The following ANAPC1 variants were observed in gnomAD, a reference collection of about 807,000 sequenced individuals.
ANAPC1 encodes anaphase-promoting complex subunit 1.
In ANAPC1, 36 loss-of-function variants were observed where a neutral mutation model predicts 208.0. The ratio of observed to expected loss-of-function variants is 0.17; its 90% CI spans 0.13 to 0.23. The LOEUF (loss-of-function observed/expected upper bound fraction) is 0.23, where lower values mean the gene tolerates loss of function less well. Among genes scored for constraint, ANAPC1 ranks in the 10% least tolerant of loss-of-function variants. ANAPC1 has a pLI of 1.00. For synonymous variants in ANAPC1, 378 were observed against 695.2 expected, an observed-to-expected ratio of 0.54 and a Z score of 7.18; for missense variants, 942 against 2,011.6, an observed-to-expected ratio of 0.47 and a Z score of 10.17.
At position 111,848,775 on chromosome 2, in the gene ANAPC1, T is replaced by C. The variant is rs575230534; in HGVS notation, c.1651-910A>G. ...CTAGATGACAGGGCAAGACTCCATCTCAAAAAAAAAAAAAAGACTAAACTG... is the reference window on the plus strand; with the variant it reads ...CTAGATGACAGGGCAAGACTCCATCCCAAAAAAAAAAAAAAGACTAAACTG... On this transcript the variant is annotated intron_variant, in intron 14 of 47. Transcript: ENST00000341068. Among the ~76,000 whole-genome samples, 5 of 138,256 alleles carry C rather than the reference T, an allele frequency of 3.6e-5. No homozygotes were observed. In the South Asian group the frequency reaches 1.1e-3, roughly 31 times the overall value. 90.7% of individuals were successfully genotyped at this position (138,256 alleles called of 152,430 possible). A position where few individuals can be genotyped will look rare whatever the true frequency, so the allele number is the denominator to read the frequency against.
At position 111,818,927 on chromosome 2, in the gene ANAPC1, G is replaced by A; in HGVS notation, c.3238C>T (p.Leu1080Phe). Residue 1080 changes from leucine (L) to phenylalanine (F), a missense_variant, in exon 27 of 48, where the codon CTT becomes TTT. Coordinates refer to ENST00000341068, the MANE Select transcript of ANAPC1 (RefSeq NM_022662.4). ...GTAAACATTCCTCGTCCTACAGGAAGAGCCATAGTTCGCTGACACAATTGG... is the reference window on the plus strand; with the variant it reads ...GTAAACATTCCTCGTCCTACAGGAAAAGCCATAGTTCGCTGACACAATTGG... The part of the protein sequence containing the change: ...LLQLCQRTMA[L>F]PVGRGMFTLF... 2 of 1,609,114 alleles carry A rather than the reference G, an allele frequency of 1.2e-6. No individual in the cohort carries two copies. The highest frequency in any genetic ancestry group is 1.7e-6 in the Non-Finnish European group (2 of 1,178,024).
intron 18 of ANAPC1, among the ~76,000 whole-genome samples, chr2:111,835,968 C>T (rs1425411046): frequency 6.6e-6 from 1 of 152,180 alleles, no homozygotes; most frequent in Admixed American, 6.5e-5. Context: ...ATGTCTAGAA[C>T]ATGTAAGAAC....
intron 47 of ANAPC1, among the ~76,000 whole-genome samples, chr2:111,770,620 T>C (rs1398918491): frequency 6.7e-6 from 1 of 148,320 alleles, no homozygotes; most frequent in African/African-American, 2.6e-5. Flanking sequence ...CTGTATTTCC[T>C]AACCATTCTT....
chr2:111,779,218 C>T (rs548869707), intron 44 of ANAPC1: 2,258 of 152,446 alleles, frequency 0.015, 7 homozygotes, highest in Non-Finnish European at 0.025. Flanking sequence ...GAGTGCACAG[C>T]CCAGCTCTTA....
intron 35 of ANAPC1, 68 bp downstream of exon 35, chr2:111,794,750 C>G (rs1678071347): frequency 1.0e-6 from 1 of 986,718 alleles, no homozygotes; most frequent in East Asian, 2.6e-5. Flanking sequence ...ATTACTCCCA[C>G]ATGGTATATT....
At chr2:111,830,551 T>G (rs1680075387) in intron 21 of ANAPC1, among the ~76,000 whole-genome samples, 1 of 152,198 alleles carries the variant, frequency 6.6e-6, no homozygotes, top group Admixed American at 6.5e-5. Flanking sequence ...TGCTCTTTGA[T>G]GTATTAAGAG....
intron 6 of ANAPC1, among the ~76,000 whole-genome samples, chr2:111,869,690 T>C (rs1682635520): frequency 6.6e-6 from 1 of 152,276 alleles, no homozygotes; most frequent in African/African-American, 2.4e-5. Flanking sequence ...GGACCCTAAG[T>C]GTTTTGGATT....
intron 13 of ANAPC1, among the ~76,000 whole-genome samples, chr2:111,854,514 A>G (rs899932695): frequency 6.6e-6 from 1 of 152,194 alleles, no homozygotes; most frequent in African/African-American, 2.4e-5. Flanking sequence ...TCAGGTTATG[A>G]AAGTCCTAGA....
intron 19 of ANAPC1, among the ~76,000 whole-genome samples, chr2:111,834,349 G>C (rs1041044361): frequency 2.0e-5 from 3 of 152,074 alleles, no homozygotes; most frequent in Non-Finnish European, 4.4e-5. Context: ...ATGAAAATCT[G>C]AGCAGGTCAT....
intron 21 of ANAPC1, among the ~76,000 whole-genome samples, chr2:111,829,044 T>A (rs1411409209): frequency 6.6e-6 from 1 of 152,038 alleles, no homozygotes; most frequent in Non-Finnish European, 1.5e-5. Context: ...GTGAACCCCA[T>A]CTCTACTAAA....
chr2:111,799,370 C>G (rs531253655), intron 34 of ANAPC1, among the ~76,000 whole-genome samples: 4 of 152,340 alleles, frequency 2.6e-5, no homozygotes, highest in Non-Finnish European at 5.9e-5. Context: ...AATGGTACAG[C>G]TGCTTTGGGA....
chr2:111,859,177 C>G (rs2104548411), intron 10 of ANAPC1, among the ~76,000 whole-genome samples: 1 of 152,198 alleles, frequency 6.6e-6, no homozygotes, highest in South Asian at 2.1e-4. Flanking sequence ...ATTCCCAAAC[C>G]CTTCCTTCTA....
chr2:111,883,179 A>G (rs1048894146), intron 1 of ANAPC1, among the ~76,000 whole-genome samples: 10 of 124,040 alleles, frequency 8.1e-5, no homozygotes, highest in African/African-American at 2.3e-4. Flanking sequence ...AAAAAAAAAA[A>G]AAAGAAAACC....
chr2:111,783,082 C>T (rs554480127), intron 42 of ANAPC1, among the ~76,000 whole-genome samples: 2 of 151,962 alleles, frequency 1.3e-5, no homozygotes, highest in African/African-American at 2.4e-5. Flanking sequence ...CCAAAATAAA[C>T]TGGCTGAGTA....
intron 14 of ANAPC1, among the ~76,000 whole-genome samples, chr2:111,848,145 C>G (rs1373135247): frequency 1.3e-5 from 2 of 151,970 alleles, no homozygotes; most frequent in African/African-American, 4.8e-5. Flanking sequence ...AAGACCCAGG[C>G]TCTTTAAAAC....
intron 16 of ANAPC1, among the ~76,000 whole-genome samples, chr2:111,845,165 G>A (rs889367595): frequency 3.3e-5 from 5 of 152,120 alleles, no homozygotes; most frequent in African/African-American, 9.7e-5. Context: ...CATTCTCAAT[G>A]GCTCCACATC....
At chr2:111,868,430 T>C (rs189207662) in intron 6 of ANAPC1, among the ~76,000 whole-genome samples, 8 of 152,338 alleles carry the variant, frequency 5.3e-5, no homozygotes, top group Middle Eastern at 3.4e-3. Flanking sequence ...TTACTGGCAG[T>C]GTGTCTTTGG....
At chr2:111,783,193 T>C (rs1677374356) in intron 42 of ANAPC1, among the ~76,000 whole-genome samples, 1 of 152,210 alleles carries the variant, frequency 6.6e-6, no homozygotes, top group Admixed American at 6.5e-5. Context: ...CACTGATTAA[T>C]AAAGTTCTTT....
chr2:111,836,015 A>G (rs999463025), intron 18 of ANAPC1, among the ~76,000 whole-genome samples: 2 of 152,216 alleles, frequency 1.3e-5, no homozygotes, highest in Non-Finnish European at 2.9e-5. Context: ...TCTAATTTAC[A>G]AGTAGATAAA....
Sources: allele counts gnomAD v4.1 joint callset (sites outside exome capture counted in the v4.1 genomes callset), GRCh38; gene constraint gnomAD v4.1.1; transcripts MANE v1.5; gene names NCBI Gene and HGNC (gene_info 2026-07-23, HGNC 2026-07-21).